Variants in SYT6 observed in about 807,000 individuals in gnomAD.
The protein encoded by SYT6 is synaptotagmin 6.
In SYT6, 24 loss-of-function variants were observed where a neutral mutation model predicts 38.4. The observed-to-expected ratio is 0.62, with a 90% CI of 0.45 to 0.88. The LOEUF is 0.88. Ranked by LOEUF, SYT6 falls within the 40% of genes least tolerant of loss-of-function variation. The pLI is 0.00. For synonymous variants in SYT6, 265 were observed against 241.9 expected, an observed-to-expected ratio of 1.10 and a Z score of -0.89; for missense variants, 611 against 621.0, an observed-to-expected ratio of 0.98 and a Z score of 0.17.
chr1:114,118,484 C>T (rs1328931526), intron 3 of SYT6, among the ~76,000 whole-genome samples: 3 of 152,222 alleles, frequency 2.0e-5, no homozygotes, highest in Non-Finnish European at 2.9e-5. Flanking sequence ...TTTGCAGATC[C>T]TCCCTTTGGC....
rs1461118971 is a variant in SYT6 at position 114,137,663 on chromosome 1, A to T, written c.903T>A (p.Pro301=). Residue 301 remains proline (P), a synonymous_variant, in exon 3 of 8, where the codon CCT becomes CCA. Transcript: ENST00000610222. ...NPTFDENFHF[P]VPYEELADRK... is the part of the protein sequence containing the mutation. ...GGTCAGCCAGCTCCTCATAGGGCAC[A>T]GGGAAGTGGAAGTTCTCATCAAAGG... The T allele has an allele frequency of 6.2e-7, 1 of 1,613,918 alleles. No individual in the cohort carries two copies.
intron 4 of SYT6, among the ~76,000 whole-genome samples, chr1:114,101,643 T>C (rs1675975256): frequency 6.6e-6 from 1 of 152,206 alleles, no homozygotes; most frequent in African/African-American, 2.4e-5. Context: ...AGGCAATTAA[T>C]AAGCTCCATT....
At chr1:114,120,260 C>T (rs1170930279) in intron 3 of SYT6, among the ~76,000 whole-genome samples, 1 of 152,204 alleles carries the variant, frequency 6.6e-6, no homozygotes, top group East Asian at 1.9e-4. Flanking sequence ...GTGATGCCCT[C>T]GGTAGAAAAT....
intron 3 of SYT6, among the ~76,000 whole-genome samples, chr1:114,129,572 C>CTTTCTTTG (rs1677972672): frequency 1.1e-5 from 1 of 90,644 alleles, no homozygotes; most frequent in Non-Finnish European, 2.3e-5. Flanking sequence ...TCTTTTCTTT[C>CTTTCTTTG]TTTCTTTCTT....
chr1:114,124,612 G>A (rs1229291409), intron 3 of SYT6, among the ~76,000 whole-genome samples: 2 of 152,208 alleles, frequency 1.3e-5, no homozygotes, highest in African/African-American at 4.8e-5. Flanking sequence ...GTGTGGTGGA[G>A]CTAGACCCGT....
chr1:114,112,929 G>T (rs1676773558), intron 3 of SYT6, among the ~76,000 whole-genome samples: 1 of 152,174 alleles, frequency 6.6e-6, no homozygotes, highest in South Asian at 2.1e-4. Context: ...CTCTCAGCAG[G>T]AGGGAAGATA....
intron 1 of SYT6, among the ~76,000 whole-genome samples, chr1:114,140,176 C>G (rs965497052): frequency 2.0e-5 from 3 of 152,116 alleles, no homozygotes; most frequent in Non-Finnish European, 4.4e-5. Flanking sequence ...TTGTGTTCAC[C>G]TCAATCTGAT....
At chr1:114,152,427 G>C (rs948429770) in intron 1 of SYT6, 1 of 152,602 alleles carries the variant, frequency 6.6e-6, no homozygotes, top group Admixed American at 6.5e-5. Flanking sequence ...TGGAACCCCG[G>C]CGTCCTGGTC....
intron 3 of SYT6, among the ~76,000 whole-genome samples, chr1:114,117,500 T>C (rs1465396640): frequency 6.6e-6 from 1 of 152,168 alleles, no homozygotes. Flanking sequence ...CTTGGAGTTG[T>C]TCCTGGGTAG....
rs1052193650 is a variant in SYT6 at position 114,131,094 on chromosome 1, C to A, written c.1071+6401G>T. On this transcript the variant is annotated intron_variant, in intron 3 of 7. Transcript: ENST00000610222. ...TTTCAGGAGGCCTGCCTTCCCCCAA[C>A]ATGCTGGGCCAGTGAGGGACCTGCA... Among the ~76,000 whole-genome samples, 3 of 152,288 alleles carry A rather than the reference C, an allele frequency of 2.0e-5. No individual in the cohort carries two copies. In the South Asian group the frequency reaches 6.2e-4, roughly 32 times the overall value.
intron 1 of SYT6, among the ~76,000 whole-genome samples, chr1:114,144,061 A>G (rs1236983044): frequency 6.6e-6 from 1 of 152,226 alleles, no homozygotes; most frequent in Admixed American, 6.5e-5. Context: ...CTAGCAGAAG[A>G]GTTTTGTTTG....
intron 3 of SYT6, 135 bp downstream of exon 3, chr1:114,137,360 C>T: frequency 3.0e-6 from 3 of 1,009,560 alleles, no homozygotes; most frequent in Non-Finnish European, 4.3e-6. Flanking sequence ...GGCCACTGGG[C>T]AGTTTCCAGA....
At chr1:114,138,075 C>G in intron 2 of SYT6, 22 bp from the exon 3 acceptor site, 1 of 1,603,552 alleles carries the variant, frequency 6.2e-7, no homozygotes, top group Non-Finnish European at 8.5e-7. Flanking sequence ...CAGGAGGGGG[C>G]AGAGGGAGTG....
intron 3 of SYT6, among the ~76,000 whole-genome samples, chr1:114,126,098 C>CTAGGAAGGCAG (rs146320098): frequency 0.052 from 7,856 of 152,094 alleles, 643 homozygotes; most frequent in African/African-American, 0.18. Flanking sequence ...AACCCAGAGA[C>CTAGGAAGGCAG]TAGGAAGGGC....
intron 1 of SYT6, among the ~76,000 whole-genome samples, chr1:114,145,067 T>A (rs1209954564): frequency 6.6e-6 from 1 of 152,086 alleles, no homozygotes; most frequent in Non-Finnish European, 1.5e-5. Context: ...CTAAGTCAAC[T>A]TCTATACTAA....
chr1:114,131,471 T>C (rs1678148408), intron 3 of SYT6, among the ~76,000 whole-genome samples: 1 of 152,206 alleles, frequency 6.6e-6, no homozygotes, highest in South Asian at 2.1e-4. Context: ...TTTCTTCATG[T>C]CTCCTAACAC....
At chr1:114,095,922 A>T (rs576674408) in intron 6 of SYT6, among the ~76,000 whole-genome samples, 1 of 152,148 alleles carries the variant, frequency 6.6e-6, no homozygotes, top group South Asian at 2.1e-4. Flanking sequence ...GGCCTCCCAA[A>T]GTGCTGGGAT....
At chr1:114,129,097 A>G (rs1677927313) in intron 3 of SYT6, among the ~76,000 whole-genome samples, 1 of 152,106 alleles carries the variant, frequency 6.6e-6, no homozygotes, top group South Asian at 2.1e-4. Flanking sequence ...TTCCTCCAAG[A>G]TTTCCCAACT....
At position 114,153,818 on chromosome 1, in the gene SYT6, C is replaced by G. The variant is rs1046331508; in HGVS notation, c.-46G>C. ...CCGAGCAGCAGCTCGAACCCGCGCC[C>G]CGGCCGCACTGGGGCGGGGCACGAC... On this transcript the variant is annotated 5_prime_UTR_variant, in exon 1 of 8. Coordinates refer to ENST00000610222, the MANE Select transcript of SYT6 (RefSeq NM_001253772.2). 1 of 601,192 alleles carries G rather than the reference C, an allele frequency of 1.7e-6. No individual in the cohort carries two copies. The highest frequency in any genetic ancestry group is 2.0e-5 in the African/African-American group (1 of 50,812). 37.2% of individuals were successfully genotyped at this position (601,192 alleles called of 1,614,324 possible). A position where few individuals can be genotyped will look rare whatever the true frequency, so the allele number is the denominator to read the frequency against.
Sources: gnomAD v4.1 joint callset for allele counts (sites outside exome capture counted in the v4.1 genomes callset) on GRCh38, gnomAD v4.1.1 for gene constraint, MANE v1.5 for transcripts, NCBI Gene and HGNC (gene_info 2026-07-23, HGNC 2026-07-21) for gene names.